The following COL5A2 variants were observed in gnomAD, a reference collection of about 807,000 sequenced individuals.
The protein encoded by COL5A2 is collagen type V alpha 2 chain.
In COL5A2, 23 loss-of-function variants were observed where a neutral mutation model predicts 208.2. The observed-to-expected ratio is 0.11, with a 90% CI of 0.08 to 0.16. COL5A2 has a LOEUF of 0.16. COL5A2 is among the 10% of genes least tolerant of loss of function. COL5A2 has a pLI of 1.00. For missense variants in COL5A2, 1,590 were observed against 1,956.4 expected, an observed-to-expected ratio of 0.81 and a Z score of 3.53; for synonymous variants, 625 against 628.5, an observed-to-expected ratio of 0.99 and a Z score of 0.08.
At chr2:189,089,450 A>T (rs1396940848) in intron 7 of COL5A2, among the ~76,000 whole-genome samples, 1 of 152,202 alleles carries the variant, frequency 6.6e-6, no homozygotes, top group Admixed American at 6.5e-5. Context: ...ACTGTTTATA[A>T]ATAAATTGGC....
the COL5A2 span, among the ~76,000 whole-genome samples, chr2:189,296,218 C>T: frequency 3.4e-4 from 51 of 152,086 alleles, no homozygotes; most frequent in African/African-American, 1.1e-3. Flanking sequence ...ACTGTTAAGG[C>T]CATCTGAAAA....
intron 1 of COL5A2, among the ~76,000 whole-genome samples, chr2:189,192,936 CTATCACAAGAGTGTGATACT>C (rs1349332889): frequency 2.0e-5 from 3 of 152,086 alleles, no homozygotes; most frequent in Non-Finnish European, 4.4e-5. Context: ...AAGAGGATTC[CTATCACAAGAGTGTGATACT>C]TATCACAAGA....
At position 189,165,640 on chromosome 2, in the gene COL5A2, TAAAG is replaced by T. The variant is rs1688449052; in HGVS notation, c.97+13864_97+13867del. On this transcript the variant is annotated intron_variant, in intron 1 of 53. Coordinates refer to ENST00000374866, the MANE Select transcript of COL5A2 (RefSeq NM_000393.5). ...CAGACGAGGAGAGGAAACTGAATCT[TAAAG>T]AAGATCAGGAACTTGTTCAAGGTCA... Among the ~76,000 whole-genome samples, 3 of 152,334 alleles carry T rather than the reference TAAAG, an allele frequency of 2.0e-5. No individual in the cohort carries two copies. In the South Asian group the frequency reaches 6.2e-4, roughly 32 times the overall value.
intron 30 of COL5A2, among the ~76,000 whole-genome samples, chr2:189,061,077 T>C (rs1241211651): frequency 6.6e-6 from 1 of 152,188 alleles, no homozygotes; most frequent in African/African-American, 2.4e-5. Flanking sequence ...TTTATGGCTC[T>C]GTGAACAATA....
intron 45 of COL5A2, among the ~76,000 whole-genome samples, chr2:189,047,910 T>C (rs1367897855): frequency 1.3e-5 from 2 of 152,232 alleles, no homozygotes; most frequent in Non-Finnish European, 1.5e-5. Context: ...ATGCTTTTGT[T>C]AATGAGTTTA....
At chr2:189,224,645 T>A (rs1428232623) in intron 1 of COL5A2, among the ~76,000 whole-genome samples, 1 of 151,922 alleles carries the variant, frequency 6.6e-6, no homozygotes, top group Non-Finnish European at 1.5e-5. Context: ...GCTGAGAACA[T>A]GCCACTGCAC....
the COL5A2 span, among the ~76,000 whole-genome samples, chr2:189,248,879 A>G: frequency 6.6e-6 from 1 of 152,158 alleles, no homozygotes; most frequent in African/African-American, 2.4e-5. Flanking sequence ...TTTCTACATC[A>G]TTAATATAAT....
At chr2:189,097,359 C>T in intron 5 of COL5A2, 29 bp from the exon 6 acceptor site, 1 of 1,609,396 alleles carries the variant, frequency 6.2e-7, no homozygotes, top group Non-Finnish European at 8.5e-7. Context: ...ATTATGCATG[C>T]AAAAATGTAT....
intron 1 of COL5A2, among the ~76,000 whole-genome samples, chr2:189,157,500 T>C (rs1688277663): frequency 6.6e-6 from 1 of 151,904 alleles, no homozygotes; most frequent in African/African-American, 2.4e-5. Flanking sequence ...TACAAACACA[T>C]AGTTCTGTTA....
chr2:189,380,951 A>T, the COL5A2 span, among the ~76,000 whole-genome samples: 5 of 152,066 alleles, frequency 3.3e-5, no homozygotes, highest in Admixed American at 3.3e-4. Flanking sequence ...GAATGAAAAC[A>T]AGGAACTGAA....
At chr2:189,141,251 A>C (rs1687928949) in intron 1 of COL5A2, among the ~76,000 whole-genome samples, 1 of 152,190 alleles carries the variant, frequency 6.6e-6, no homozygotes, top group Non-Finnish European at 1.5e-5. Flanking sequence ...AATATGCGTA[A>C]GGTTACCATT....
chr2:189,296,243 T>C, the COL5A2 span, among the ~76,000 whole-genome samples: 16 of 152,184 alleles, frequency 1.1e-4, no homozygotes, highest in Non-Finnish European at 2.4e-4. Flanking sequence ...TTTTAAGTTT[T>C]AATACTATAT....
At chr2:189,278,010 C>A in the COL5A2 span, among the ~76,000 whole-genome samples, 1 of 152,054 alleles carries the variant, frequency 6.6e-6, no homozygotes, top group Non-Finnish European at 1.5e-5. Context: ...AATAGTCCCA[C>A]TCCCAGAATG....
rs1686468155 is a variant in COL5A2, at chr2:189,078,705, G to C, written c.1006-136C>G. On this transcript the variant is annotated intron_variant, in intron 15 of 53. Coordinates refer to ENST00000374866, the MANE Select transcript of COL5A2 (RefSeq NM_000393.5). ...GTAGTATTTCCAGGGGCAATGTTGG[G>C]TTTGAAAAACTATCCCCATGTGGAG... 26 of 820,492 alleles carry C rather than the reference G, an allele frequency of 3.2e-5. No individual in the cohort carries two copies. The South Asian group carries it at 3.5e-4, about 11-fold the overall frequency. 50.8% of individuals were successfully genotyped at this position (820,492 alleles called of 1,614,324 possible).
chr2:189,269,220 C>G, the COL5A2 span, among the ~76,000 whole-genome samples: 1 of 152,058 alleles, frequency 6.6e-6, no homozygotes, highest in African/African-American at 2.4e-5. Context: ...TTATTCCTCA[C>G]ATTTTCTTCT....
the COL5A2 span, among the ~76,000 whole-genome samples, chr2:189,316,072 G>C: frequency 1.5e-3 from 228 of 152,190 alleles, 1 homozygote; most frequent in African/African-American, 5.3e-3. Context: ...AAGACCTAAA[G>C]ACAGAAATAC....
At chr2:189,126,957 T>G (rs997657387) in intron 1 of COL5A2, among the ~76,000 whole-genome samples, 4 of 151,988 alleles carry the variant, frequency 2.6e-5, no homozygotes, top group Non-Finnish European at 5.9e-5. Flanking sequence ...AGTAGCTATA[T>G]CCTAATTAGG....
At chr2:189,254,410 G>A in the COL5A2 span, among the ~76,000 whole-genome samples, 6 of 152,154 alleles carry the variant, frequency 3.9e-5, no homozygotes, top group Non-Finnish European at 8.8e-5. Context: ...AGGCTGCTAC[G>A]GCCAGTGATC....
At chr2:189,046,368 C>A (rs1476761082) in intron 45 of COL5A2, among the ~76,000 whole-genome samples, 1 of 152,120 alleles carries the variant, frequency 6.6e-6, no homozygotes, top group Admixed American at 6.6e-5. Flanking sequence ...TCCTTACTTC[C>A]CCTAAATAAT....
Sources: allele counts gnomAD v4.1 joint callset (sites outside exome capture counted in the v4.1 genomes callset), GRCh38; gene constraint gnomAD v4.1.1; transcripts MANE v1.5; gene names NCBI Gene and HGNC (gene_info 2026-07-23, HGNC 2026-07-21).